SNX29: variants seen among roughly 807,000 people sequenced by gnomAD.
SNX29 encodes the protein sorting nexin-29.
Under a neutral mutation model 102.1 loss-of-function variants are expected in SNX29, and 78 were observed. That is an observed-to-expected ratio of 0.76 (90% CI 0.64 to 0.92). The LOEUF (loss-of-function observed/expected upper bound fraction) is 0.92. Among genes scored for constraint, SNX29 ranks in the 40% least tolerant of loss-of-function variants. The probability of loss-of-function intolerance (pLI) is 0.00; values close to 1 mark genes in which losing one functional copy is unlikely to be tolerated. For missense variants in SNX29, 1,280 were observed against 1,061.7 expected (o/e 1.21, Z -2.86); for synonymous variants, 580 against 414.5 (o/e 1.40, Z -4.85).
rs1171495693 is a variant in SNX29, at chr16:12,540,858, A to G, written c.2318+16017A>G. Among the ~76,000 whole-genome samples the G allele has an allele frequency of 2.6e-5, 4 of 152,178 alleles. No individual in the cohort carries two copies. The East Asian group carries it at 7.7e-4, about 29-fold the overall frequency. Reference sequence around the variant, plus strand: ...AAGATCGCCTCCACCCTTTCTGAGCAGGAGTGCCCTTTTCCACTTCTGGAC... The same window carrying G: ...AAGATCGCCTCCACCCTTTCTGAGCGGGAGTGCCCTTTTCCACTTCTGGAC... On this transcript the variant is annotated intron_variant, in intron 20 of 20. Transcript: ENST00000566228.
At chr16:12,228,962 A>G (rs2077694140) in intron 14 of SNX29, among the ~76,000 whole-genome samples, 1 of 152,182 alleles carries the variant, frequency 6.6e-6, no homozygotes, top group South Asian at 2.1e-4. Flanking sequence ...TGCTCTCCCT[A>G]AGTGAGTGTC....
chr16:12,061,308 C>T (rs1040423845), intron 8 of SNX29, among the ~76,000 whole-genome samples: 1 of 152,216 alleles, frequency 6.6e-6, no homozygotes, highest in Admixed American at 6.5e-5. Flanking sequence ...GAGCACAGTG[C>T]CTGGCATATA....
intron 13 of SNX29, among the ~76,000 whole-genome samples, chr16:12,180,548 A>G (rs963870782): frequency 4.0e-5 from 6 of 150,618 alleles, no homozygotes; most frequent in Non-Finnish European, 8.8e-5. Context: ...CAGTGGCGCG[A>G]TCTCGGCTCA....
chr16:12,070,879 A>T (rs536277675), intron 10 of SNX29, among the ~76,000 whole-genome samples: 2 of 152,158 alleles, frequency 1.3e-5, no homozygotes, highest in African/African-American at 2.4e-5. Context: ...CTGGTGTGAG[A>T]TGGTATCTCA....
intron 20 of SNX29, among the ~76,000 whole-genome samples, chr16:12,559,846 C>T (rs1360232197): frequency 6.6e-6 from 1 of 152,168 alleles, no homozygotes; most frequent in African/African-American, 2.4e-5. Context: ...TAATGCCAGA[C>T]TGCTTTGATT....
chr16:12,202,092 C>T (rs962817391), intron 14 of SNX29, among the ~76,000 whole-genome samples: 1 of 152,150 alleles, frequency 6.6e-6, no homozygotes, highest in Non-Finnish European at 1.5e-5. Flanking sequence ...TACGTACGTA[C>T]GGCGACTCCA....
intron 11 of SNX29, among the ~76,000 whole-genome samples, chr16:12,082,840 C>G (rs2051974744): frequency 6.6e-6 from 1 of 152,012 alleles, no homozygotes; most frequent in Admixed American, 6.6e-5. Flanking sequence ...GGTCAGGAAT[C>G]CTAGAAATTT....
chr16:12,531,822 C>G (rs1219564539), intron 20 of SNX29, among the ~76,000 whole-genome samples: 1 of 152,188 alleles, frequency 6.6e-6, no homozygotes, highest in African/African-American at 2.4e-5. Context: ...TGAACGTCTT[C>G]TAGGATGGCC....
chr16:12,555,744 C>G (rs150687815), intron 20 of SNX29, among the ~76,000 whole-genome samples: 10 of 152,160 alleles, frequency 6.6e-5, no homozygotes, highest in African/African-American at 1.4e-4. Flanking sequence ...TTCCACCTCC[C>G]CACAACTCCA....
intron 20 of SNX29, among the ~76,000 whole-genome samples, chr16:12,552,278 A>G (rs1397856881): frequency 6.6e-6 from 1 of 152,166 alleles, no homozygotes; most frequent in African/African-American, 2.4e-5. Flanking sequence ...CTGGCCAGTT[A>G]ACTTCTGTGC....
At chr16:12,145,898 A>G (rs369052457) in intron 13 of SNX29, among the ~76,000 whole-genome samples, 1 of 152,188 alleles carries the variant, frequency 6.6e-6, no homozygotes, top group African/African-American at 2.4e-5. Context: ...TTATAAACCT[A>G]TTCCGCCTTT....
chr16:12,475,906 C>T (rs1355220035), intron 18 of SNX29, among the ~76,000 whole-genome samples: 1 of 152,118 alleles, frequency 6.6e-6, no homozygotes, highest in Non-Finnish European at 1.5e-5. Flanking sequence ...GTTTGCCCAC[C>T]CCGATCTAGA....
At chr16:12,311,201 C>T (rs1427882682) in intron 15 of SNX29, among the ~76,000 whole-genome samples, 2 of 152,114 alleles carry the variant, frequency 1.3e-5, no homozygotes, top group Non-Finnish European at 2.9e-5. Flanking sequence ...CTGAACCCCC[C>T]GCCCCCTACC....
chr16:12,554,683 C>G (rs144515599), intron 20 of SNX29, among the ~76,000 whole-genome samples: 8 of 152,328 alleles, frequency 5.3e-5, no homozygotes, highest in African/African-American at 1.7e-4. Flanking sequence ...GATGCCAATT[C>G]TCAGCATCCC....
chr16:12,377,430 A>G (rs2082916911), intron 16 of SNX29, among the ~76,000 whole-genome samples: 1 of 152,204 alleles, frequency 6.6e-6, no homozygotes, highest in South Asian at 2.1e-4. Context: ...GCTTCCACCC[A>G]GAAATTACAT....
At chr16:12,358,095 G>GGT (rs2082193246) in intron 16 of SNX29, among the ~76,000 whole-genome samples, 1 of 152,152 alleles carries the variant, frequency 6.6e-6, no homozygotes, top group Non-Finnish European at 1.5e-5. Context: ...GTTTCTTTAA[G>GGT]GTCAGTACCT....
chr16:12,455,089 G>C (rs2086477474), intron 18 of SNX29, among the ~76,000 whole-genome samples: 1 of 152,280 alleles, frequency 6.6e-6, no homozygotes, highest in African/African-American at 2.4e-5. Context: ...CATTGCTCTG[G>C]CTGTGGTGTG....
intron 16 of SNX29, among the ~76,000 whole-genome samples, chr16:12,394,220 T>C (rs994980083): frequency 2.0e-5 from 3 of 152,234 alleles, no homozygotes; most frequent in African/African-American, 7.2e-5. Context: ...TCAGATTTTC[T>C]TCACCCATCA....
At chr16:12,134,176 G>A (rs1311304592) in intron 13 of SNX29, among the ~76,000 whole-genome samples, 3 of 152,224 alleles carry the variant, frequency 2.0e-5, no homozygotes, top group African/African-American at 7.2e-5. Context: ...AGGAGGAAAA[G>A]TGGCTTTGAA....
Sources: gnomAD v4.1 joint callset for allele counts (sites outside exome capture counted in the v4.1 genomes callset) on GRCh38, gnomAD v4.1.1 for gene constraint, MANE v1.5 for transcripts, NCBI Gene and HGNC (gene_info 2026-07-23, HGNC 2026-07-21) for gene names.